TENM3: variants seen among roughly 807,000 people sequenced by gnomAD.
The protein encoded by TENM3 is teneurin transmembrane protein 3, also known as teneurin-3.
Under a neutral mutation model 255.1 loss-of-function variants are expected in TENM3, and 63 were observed. The observed-to-expected ratio is 0.25, with a 90% CI of 0.20 to 0.30. The LOEUF (loss-of-function observed/expected upper bound fraction) is 0.30. Ranked by LOEUF, TENM3 falls within the 10% of genes least tolerant of loss-of-function variation. TENM3 has a pLI of 1.00. For missense variants in TENM3, 2,929 were observed against 3,461.1 expected (o/e 0.85, Z 3.86); for synonymous variants, 1,306 against 1,322.3 (o/e 0.99, Z 0.27).
the TENM3 span, among the ~76,000 whole-genome samples, chr4:181,816,997 CA>C: frequency 6.3e-4 from 96 of 152,276 alleles, no homozygotes; most frequent in African/African-American, 2.2e-3. Context: ...AAAGGTTAAG[CA>C]TCTTGCCCAA....
chr4:182,208,789 A>G (rs922700431), intron 1 of TENM3, among the ~76,000 whole-genome samples: 3 of 152,142 alleles, frequency 2.0e-5, no homozygotes, highest in Non-Finnish European at 2.9e-5. Flanking sequence ...AGACCTGCAG[A>G]GCCCAGACTC....
At chr4:181,553,658 GTCTCGA>G in the TENM3 span, among the ~76,000 whole-genome samples, 3 of 151,936 alleles carry the variant, frequency 2.0e-5, no homozygotes, top group South Asian at 6.2e-4. Flanking sequence ...AGCCAGGATG[GTCTCGA>G]TCTCCTGACC....
At chr4:181,470,127 A>AAAAAAAAAAAAAAAAAG in the TENM3 span, among the ~76,000 whole-genome samples, 3 of 138,986 alleles carry the variant, frequency 2.2e-5, no homozygotes, top group African/African-American at 8.1e-5. Context: ...AAAAAAAAAC[A>AAAAAAAAAAAAAAAAAG]TTATTCAAAA....
At chr4:182,442,131 C>T (rs1344265162) in intron 3 of TENM3, among the ~76,000 whole-genome samples, 2 of 152,144 alleles carry the variant, frequency 1.3e-5, no homozygotes, top group Non-Finnish European at 2.9e-5. Flanking sequence ...AGGTATGGAG[C>T]ATGTACTTCC....
At chr4:181,616,906 C>T in the TENM3 span, among the ~76,000 whole-genome samples, 4 of 152,172 alleles carry the variant, frequency 2.6e-5, no homozygotes, top group South Asian at 2.1e-4. Context: ...CAATGTCTTT[C>T]GGAAACTCCC....
chr4:182,594,347 A>G (rs972792952), intron 3 of TENM3, among the ~76,000 whole-genome samples: 5 of 151,936 alleles, frequency 3.3e-5, no homozygotes, highest in Non-Finnish European at 7.4e-5. Context: ...GTTAAAGCAA[A>G]CACTTTTTTG....
chr4:182,084,281 C>T, the TENM3 span, among the ~76,000 whole-genome samples: 4,252 of 152,184 alleles, frequency 0.028, 194 homozygotes, highest in East Asian at 0.22. Context: ...TCCTATTTCA[C>T]GGTAGCTTTG....
intron 1 of TENM3, among the ~76,000 whole-genome samples, chr4:182,157,259 A>G (rs1750778032): frequency 6.6e-6 from 1 of 152,088 alleles, no homozygotes; most frequent in Admixed American, 6.5e-5. Context: ...TTTCCCCCCA[A>G]CCCAGTCGAG....
the TENM3 span, among the ~76,000 whole-genome samples, chr4:181,462,156 T>G: frequency 6.6e-6 from 1 of 152,306 alleles, no homozygotes; most frequent in South Asian, 2.1e-4. Flanking sequence ...AGAAAATTAT[T>G]TATGTGTCAT....
At chr4:182,012,504 A>G in the TENM3 span, among the ~76,000 whole-genome samples, 9 of 152,222 alleles carry the variant, frequency 5.9e-5, no homozygotes, top group Admixed American at 2.0e-4. Context: ...TGCCATGGAT[A>G]CCAGGCATGG....
At chr4:182,137,294 G>A in the TENM3 span, among the ~76,000 whole-genome samples, 1 of 151,070 alleles carries the variant, frequency 6.6e-6, no homozygotes, top group Non-Finnish European at 1.5e-5. Flanking sequence ...AGCTTTTCCA[G>A]CCTCTGCCTC....
At chr4:182,364,050 T>C (rs1165136054) in intron 3 of TENM3, among the ~76,000 whole-genome samples, 1 of 152,084 alleles carries the variant, frequency 6.6e-6, no homozygotes, top group East Asian at 1.9e-4. Context: ...AACCAAATTA[T>C]TTAAATGAAC....
At chr4:181,888,577 T>TAC in the TENM3 span, among the ~76,000 whole-genome samples, 80 of 64,716 alleles carry the variant, frequency 1.2e-3, no homozygotes, top group Middle Eastern at 9.6e-3. Context: ...TGTATATATA[T>TAC]ACATATATAT....
intron 3 of TENM3, among the ~76,000 whole-genome samples, chr4:182,392,645 C>G (rs112948121): frequency 6.6e-6 from 1 of 152,046 alleles, no homozygotes; most frequent in Admixed American, 6.6e-5. Context: ...CAGGCAAAGC[C>G]GCCAAACCTA....
At chr4:182,543,922 A>G (rs1741158041) in intron 3 of TENM3, among the ~76,000 whole-genome samples, 1 of 152,164 alleles carries the variant, frequency 6.6e-6, no homozygotes, top group Non-Finnish European at 1.5e-5. Flanking sequence ...ATCCTTTTGG[A>G]TTAAATAGAC....
chr4:182,507,808 A>T (rs1736991252), intron 3 of TENM3, among the ~76,000 whole-genome samples: 1 of 152,250 alleles, frequency 6.6e-6, no homozygotes. Context: ...AGTTATGCCA[A>T]AGAGACGAAA....
chr4:182,418,812 C>CT (rs1053466697), intron 3 of TENM3, among the ~76,000 whole-genome samples: 1 of 152,172 alleles, frequency 6.6e-6, no homozygotes, highest in Non-Finnish European at 1.5e-5. Flanking sequence ...ATCTGCCTGC[C>CT]TCAGCCTCCC....
At chr4:182,489,202 A>G (rs990867671) in intron 3 of TENM3, among the ~76,000 whole-genome samples, 2 of 152,108 alleles carry the variant, frequency 1.3e-5, no homozygotes, top group Admixed American at 6.6e-5. Flanking sequence ...TTTATTTTGA[A>G]CGCATGAAGC....
chr4:181,974,603 A>C, the TENM3 span, among the ~76,000 whole-genome samples: 20 of 152,184 alleles, frequency 1.3e-4, no homozygotes, highest in South Asian at 3.5e-3. Flanking sequence ...ATGTGGCACA[A>C]GCTGAATGAG....
Sources: gnomAD v4.1 joint callset for allele counts (sites outside exome capture counted in the v4.1 genomes callset) on GRCh38, gnomAD v4.1.1 for gene constraint, MANE v1.5 for transcripts, NCBI Gene and HGNC (gene_info 2026-07-23, HGNC 2026-07-21) for gene names.